LRCH1: variants seen among roughly 807,000 people sequenced by gnomAD.
LRCH1 encodes the protein leucine rich repeats and calponin homology domain containing 1.
Under a neutral mutation model 94.9 loss-of-function variants are expected in LRCH1, and 23 were observed. That is an observed-to-expected ratio of 0.24 (90% CI 0.17 to 0.34). The LOEUF (loss-of-function observed/expected upper bound fraction) is 0.34, where lower values mean the gene tolerates loss of function less well. Among genes scored for constraint, LRCH1 ranks in the 10% least tolerant of loss-of-function variants. The pLI is 1.00. For synonymous variants in LRCH1, 364 were observed against 354.9 expected (o/e 1.03, Z -0.29); for missense variants, 790 against 945.9 (o/e 0.84, Z 2.16).
At chr13:46,644,506 A>C (rs2051197362) in intron 1 of LRCH1, among the ~76,000 whole-genome samples, 1 of 152,216 alleles carries the variant, frequency 6.6e-6, no homozygotes, top group African/African-American at 2.4e-5. Context: ...TAAACAACAA[A>C]AAAAAGGAAA....
At position 46,726,523 on chromosome 13, in the gene LRCH1, G is replaced by A. The variant is rs186612230; in HGVS notation, c.1870-2324G>A. Among the ~76,000 whole-genome samples, 501 of 152,314 alleles carry A rather than the reference G, an allele frequency of 3.3e-3. 2 individuals are homozygous for A. Among genetic ancestry groups the A allele is most frequent in the Middle Eastern group, 0.024 (7 of 294 alleles). ...AGTTTTAGACCATAAATGTGCTACTGCAGCTGAACACCACAGGAAACACTG... is the reference window on the plus strand; with the variant it reads ...AGTTTTAGACCATAAATGTGCTACTACAGCTGAACACCACAGGAAACACTG... On this transcript the variant is annotated intron_variant, in intron 17 of 19. Coordinates refer to ENST00000389797, the MANE Select transcript of LRCH1 (RefSeq NM_001164211.2).
rs552915367 is a variant in LRCH1 at position 46,688,275 on chromosome 13, A to G, written c.950+296A>G. On this transcript the variant is annotated intron_variant, in intron 6 of 19. Coordinates refer to ENST00000389797, the MANE Select transcript of LRCH1 (RefSeq NM_001164211.2). ...TGAGTAAATATGTGCATACTTATAA[A>G]TAAGATCTAGAATACAAATGTGAAT... is the stretch of plus-strand genomic sequence containing the variant. Among the ~76,000 whole-genome samples, 77 of 152,354 alleles carry G rather than the reference A, an allele frequency of 5.1e-4. No homozygotes were observed. The Middle Eastern group carries it at 0.017, about 34-fold the overall frequency.
chr13:46,607,866 A>C (rs2137996268), intron 1 of LRCH1, among the ~76,000 whole-genome samples: 1 of 152,260 alleles, frequency 6.6e-6, no homozygotes, highest in Non-Finnish European at 1.5e-5. Context: ...GGAGAGCTTC[A>C]GCTCCTGGGA....
intron 1 of LRCH1, among the ~76,000 whole-genome samples, chr13:46,624,178 C>A (rs2050917416): frequency 6.6e-6 from 1 of 152,074 alleles, no homozygotes; most frequent in South Asian, 2.1e-4. Context: ...GCCACTACAC[C>A]CAGGCCCTGT....
chr13:46,602,647 G>A (rs1484847670), intron 1 of LRCH1, among the ~76,000 whole-genome samples: 1 of 152,046 alleles, frequency 6.6e-6, no homozygotes, highest in Non-Finnish European at 1.5e-5. Context: ...TAATTGAAGG[G>A]CATTGATGAT....
intron 1 of LRCH1, among the ~76,000 whole-genome samples, chr13:46,560,126 C>A (rs2050113598): frequency 1.5e-5 from 1 of 65,666 alleles, no homozygotes. Context: ...TTTGTGTATA[C>A]ATTTCTGTTC....
intron 1 of LRCH1, among the ~76,000 whole-genome samples, chr13:46,625,631 GGTTTTTTTTT>G (rs2050938079): frequency 7.9e-6 from 1 of 126,266 alleles, no homozygotes; most frequent in Admixed American, 8.4e-5. Flanking sequence ...AAATGTGTGG[GGTTTTTTTTT>G]TTTTTTTTTT....
At chr13:46,632,273 T>C (rs748668388) in intron 1 of LRCH1, among the ~76,000 whole-genome samples, 1 of 151,990 alleles carries the variant, frequency 6.6e-6, no homozygotes, top group Non-Finnish European at 1.5e-5. Flanking sequence ...AAATAAGTGC[T>C]TAATAATAGT....
At chr13:46,612,724 G>A (rs1307180268) in intron 1 of LRCH1, among the ~76,000 whole-genome samples, 1 of 152,150 alleles carries the variant, frequency 6.6e-6, no homozygotes, top group Non-Finnish European at 1.5e-5. Flanking sequence ...TGAAAAAAAG[G>A]GAAGTTTCCA....
At chr13:46,610,082 A>G (rs1315173151) in intron 1 of LRCH1, among the ~76,000 whole-genome samples, 9 of 152,210 alleles carry the variant, frequency 5.9e-5, no homozygotes. Flanking sequence ...CTTCACCATC[A>G]AAATCAAATG....
chr13:46,632,086 CCAG>C (rs1410641935), intron 1 of LRCH1, among the ~76,000 whole-genome samples: 1 of 151,958 alleles, frequency 6.6e-6, no homozygotes, highest in Non-Finnish European at 1.5e-5. Flanking sequence ...GCCTGTAGTC[CCAG>C]CTACTCAGGA....
At chr13:46,728,803 C>T in intron 17 of LRCH1, 44 bp from the exon 18 acceptor site, 1 of 1,550,478 alleles carries the variant, frequency 6.4e-7, no homozygotes, top group East Asian at 2.3e-5. Flanking sequence ...TCACAGTTAC[C>T]TCAGTGTTCA....
chr13:46,609,975 G>A (rs529425277), intron 1 of LRCH1, among the ~76,000 whole-genome samples: 1 of 152,282 alleles, frequency 6.6e-6, no homozygotes, highest in African/African-American at 2.4e-5. Flanking sequence ...TGACCTTTGT[G>A]AGTTGTGACA....
intron 1 of LRCH1, among the ~76,000 whole-genome samples, chr13:46,575,215 C>G (rs998332187): frequency 6.6e-6 from 1 of 152,080 alleles, no homozygotes; most frequent in Non-Finnish European, 1.5e-5. Context: ...TGCTGCTGGT[C>G]CCCTCTATCA....
intron 1 of LRCH1, among the ~76,000 whole-genome samples, chr13:46,558,731 TCAAA>T (rs894027465): frequency 3.3e-5 from 5 of 151,972 alleles, no homozygotes; most frequent in African/African-American, 7.3e-5. Context: ...AGACTCTGTC[TCAAA>T]CAAACAAACA....
At chr13:46,652,395 G>GC in intron 2 of LRCH1, among the ~76,000 whole-genome samples, 1 of 146,602 alleles carries the variant, frequency 6.8e-6, no homozygotes, top group South Asian at 2.1e-4. Context: ...TGTTTTTTTT[G>GC]TTTTTTTTTT....
chr13:46,618,645 G>A (rs1026355537), intron 1 of LRCH1, among the ~76,000 whole-genome samples: 1 of 152,196 alleles, frequency 6.6e-6, no homozygotes, highest in African/African-American at 2.4e-5. Flanking sequence ...CTACAATGTA[G>A]TCCTCCAATG....
chr13:46,607,456 A>T (rs1227161492), intron 1 of LRCH1, among the ~76,000 whole-genome samples: 2 of 152,184 alleles, frequency 1.3e-5, no homozygotes, highest in Non-Finnish European at 2.9e-5. Flanking sequence ...TGGGATTATT[A>T]AAAACAAAGA....
chr13:46,689,147 A>T lies in LRCH1; in HGVS notation c.965A>T (p.Asp322Val). 6.2e-7 allele frequency: 1 copy of T among 1,610,516 alleles called. No individual in the cohort carries two copies. Among genetic ancestry groups the T allele is most frequent in the Non-Finnish European group, 8.5e-7 (1 of 1,178,088 alleles). The change falls in exon 7 of 20, where the codon GAT becomes GTT. Residue 322 changes from aspartate (D) to valine (V), a missense_variant. Asp to Val is a radical substitution (Grantham distance 152). Coordinates refer to ENST00000389797, the MANE Select transcript of LRCH1 (RefSeq NM_001164211.2). ...QHVEDGKKDSDSGVGSDNGDK... is the reference protein window; with the variant it reads ...QHVEDGKKDSVSGVGSDNGDK... ...ATCTATCTCAGCAAGAAGGATTCTG[A>T]TTCGGGAGTTGGAAGTGATAATGGA...
Sources: allele counts gnomAD v4.1 joint callset (sites outside exome capture counted in the v4.1 genomes callset), GRCh38; gene constraint gnomAD v4.1.1; transcripts MANE v1.5; gene names NCBI Gene and HGNC (gene_info 2026-07-23, HGNC 2026-07-21).